The following HDAC4 variants were observed in gnomAD, a reference collection of about 807,000 sequenced individuals.
HDAC4 encodes the protein histone deacetylase A.
Under a neutral mutation model 135.1 loss-of-function variants are expected in HDAC4, and 16 were observed. The ratio of observed to expected loss-of-function variants is 0.12; its 90% CI spans 0.08 to 0.18. HDAC4 has a LOEUF of 0.18. Among genes scored for constraint, HDAC4 ranks in the 10% least tolerant of loss-of-function variants. The pLI, the probability that HDAC4 is intolerant of heterozygous loss-of-function variation, is 1.00. For missense variants in HDAC4, 1,143 were observed against 1,511.8 expected (o/e 0.76, Z 4.05); for synonymous variants, 685 against 653.4 (o/e 1.05, Z -0.74).
rs2052610665 is a variant in HDAC4, at chr2:239,306,785, G to C, written c.22+45893C>G. Reference sequence around the variant, plus strand: ...GGGGCGAAGGCAGGACCCCACCCCAGCCAACAACCGGGAGACCCTGGCCTG... The same window carrying C: ...GGGGCGAAGGCAGGACCCCACCCCACCCAACAACCGGGAGACCCTGGCCTG... On this transcript the variant is annotated intron_variant, in intron 2 of 26. Coordinates refer to ENST00000543185, the MANE Select transcript of HDAC4 (RefSeq NM_001378414.1). This position sits in a 1 kb window ranked among gnomAD's most constrained non-coding sequence, Gnocchi z 4.5. 6.6e-6 allele frequency among the ~76,000 whole-genome samples: 1 copy of C among 152,072 alleles called. No homozygotes were observed. The highest frequency in any genetic ancestry group is 2.4e-5 in the African/African-American group (1 of 41,416).
chr2:239,361,310 A>G (rs1396445780), intron 1 of HDAC4, among the ~76,000 whole-genome samples: 5 of 152,218 alleles, frequency 3.3e-5, no homozygotes, highest in Non-Finnish European at 1.5e-5. Flanking sequence ...GCAAATTGCA[A>G]AAGAAACCGT....
At chr2:239,268,190 G>A (rs2125193548) in intron 2 of HDAC4, among the ~76,000 whole-genome samples, 1 of 152,382 alleles carries the variant, frequency 6.6e-6, no homozygotes, top group South Asian at 2.1e-4. Context: ...GCTGGAGGAA[G>A]TGAACTTGGT....
intron 3 of HDAC4, among the ~76,000 whole-genome samples, chr2:239,206,944 T>C (rs2046081969): frequency 6.6e-6 from 1 of 151,420 alleles, no homozygotes. Context: ...AGAATGTTAT[T>C]GATGAAATGA....
intron 2 of HDAC4, among the ~76,000 whole-genome samples, chr2:239,273,723 T>C (rs2050189065): frequency 6.6e-6 from 1 of 152,102 alleles, no homozygotes. Context: ...ACACAGGCAG[T>C]GAGAGCTCTG....
chr2:239,281,270 C>CACAATGAACACACCACTCT, intron 2 of HDAC4, among the ~76,000 whole-genome samples: 1 of 135,312 alleles, frequency 7.4e-6, no homozygotes. Context: ...CCACTCTACA[C>CACAATGAACACACCACTCT]ACAATGAACA....
chr2:239,121,004 T>C (rs1467372847), intron 12 of HDAC4, among the ~76,000 whole-genome samples: 1 of 149,256 alleles, frequency 6.7e-6, no homozygotes, highest in East Asian at 1.9e-4. Context: ...AAATTTCTTT[T>C]TTTTTTTTTT....
At position 239,352,359 on chromosome 2, in the gene HDAC4, A is replaced by G. The variant is rs574961902; in HGVS notation, c.22+319T>C. Among the ~76,000 whole-genome samples the G allele has an allele frequency of 9.2e-5, 14 of 152,148 alleles. No homozygotes were observed. In the East Asian group the frequency reaches 2.7e-3, roughly 30 times the overall value. On this transcript the variant is annotated intron_variant, in intron 2 of 26. Transcript: ENST00000543185. The surrounding 1 kb of genome is among the most constrained non-coding windows in gnomAD (Gnocchi z 4.4). ...CAACAAAGACACTGGGCAAGAAACC[A>G]GCTCTCCACATCACAACCTGACCTT...
intron 2 of HDAC4, among the ~76,000 whole-genome samples, chr2:239,239,197 G>T (rs1337636259): frequency 6.6e-6 from 1 of 152,176 alleles, no homozygotes; most frequent in Non-Finnish European, 1.5e-5. Flanking sequence ...ACAAGTCCTG[G>T]GCCTCCTGGA....
intron 16 of HDAC4, among the ~76,000 whole-genome samples, chr2:239,099,306 G>A (rs1055119145): frequency 1.3e-5 from 2 of 152,254 alleles, no homozygotes; most frequent in African/African-American, 4.8e-5. Context: ...CATTCTGAAA[G>A]GCGTGGAGGT....
chr2:239,397,816 T>C (rs1180885450), intron 1 of HDAC4, among the ~76,000 whole-genome samples: 3 of 152,138 alleles, frequency 2.0e-5, no homozygotes, highest in Non-Finnish European at 4.4e-5. Context: ...ACTTTTGACA[T>C]GGCACCCCTC....
chr2:239,220,262 A>G (rs1274443938), intron 3 of HDAC4, among the ~76,000 whole-genome samples: 3 of 152,258 alleles, frequency 2.0e-5, no homozygotes, highest in Non-Finnish European at 4.4e-5. Flanking sequence ...TTATAAAGTA[A>G]TGAACACATC....
At chr2:239,222,216 C>A (rs2046996722) in intron 3 of HDAC4, among the ~76,000 whole-genome samples, 2 of 152,182 alleles carry the variant, frequency 1.3e-5, no homozygotes, top group Non-Finnish European at 2.9e-5. Context: ...GCTGGCCGTA[C>A]CAGCCAGGGC....
intron 2 of HDAC4, among the ~76,000 whole-genome samples, chr2:239,242,683 G>C (rs544727121): frequency 1.7e-4 from 26 of 152,228 alleles, no homozygotes; most frequent in African/African-American, 6.3e-4. Flanking sequence ...AAGAGAAATG[G>C]TGATAAAAGA....
Position 239,054,672 on chromosome 2 carries a change from G to A in HDAC4, c.3088+77C>T, listed in dbSNP as rs901810764. The A allele has an allele frequency of 4.4e-5, 41 of 923,844 alleles. No homozygotes were observed. In the Admixed American group the frequency reaches 5.8e-4, roughly 13 times the overall value. The allele number at this position is 923,844 out of a possible 1,614,324, so 57.2% of individuals were successfully genotyped here. ...GGGATGGAGAAGAGCTGGGGGTATA[G>A]GGGGACAGGGATGGGGTGTGGTGCA... On this transcript the variant is annotated intron_variant, in intron 25 of 26. Coordinates refer to ENST00000543185, the MANE Select transcript of HDAC4 (RefSeq NM_001378414.1).
Position 239,089,728 on chromosome 2 carries a change from CT to C in HDAC4, c.2388+280del, listed in dbSNP as rs372528457. 0.17 allele frequency: 49,164 copies of C among 291,164 alleles called. 823 individuals are homozygous for C. Among genetic ancestry groups the C allele is most frequent in the East Asian group, 0.23 (3,571 of 15,792 alleles). The allele number at this position is 291,164 out of a possible 1,614,324, so 18.0% of individuals were successfully genotyped here. ...TCATGTAAACAGAAGCTCTTTGGAG[CT>C]TTTTTTTTTTTTTTAAGAGTATAAA... On this transcript the variant is annotated intron_variant, in intron 18 of 26. Transcript: ENST00000543185.
chr2:239,065,654 C>G (rs1322786749), intron 24 of HDAC4, among the ~76,000 whole-genome samples: 1 of 152,220 alleles, frequency 6.6e-6, no homozygotes, highest in Non-Finnish European at 1.5e-5. Flanking sequence ...GCACAGGAGG[C>G]AGACTCCCAC....
At chr2:239,062,430 G>A (rs1288329419) in intron 24 of HDAC4, among the ~76,000 whole-genome samples, 2 of 152,270 alleles carry the variant, frequency 1.3e-5, no homozygotes, top group African/African-American at 4.8e-5. Flanking sequence ...GCGGGGCCCA[G>A]GCCAACTCTT....
intron 2 of HDAC4, among the ~76,000 whole-genome samples, chr2:239,281,208 AAC>A (rs1432901445): frequency 9.7e-6 from 1 of 103,424 alleles, no homozygotes; most frequent in African/African-American, 3.7e-5. Flanking sequence ...CTCTACAATG[AAC>A]ACACCACTCT....
intron 2 of HDAC4, among the ~76,000 whole-genome samples, chr2:239,336,686 G>A (rs548899288): frequency 1.1e-4 from 16 of 152,358 alleles, no homozygotes; most frequent in Middle Eastern, 3.4e-3. Context: ...ACAGTAGAGA[G>A]AGCTGCCATA....
Sources: gnomAD v4.1 joint callset for allele counts (sites outside exome capture counted in the v4.1 genomes callset) on GRCh38, gnomAD v4.1.1 for gene constraint, Gnocchi (gnomAD v3.1) non-coding constraint, MANE v1.5 for transcripts, NCBI Gene and HGNC (gene_info 2026-07-23, HGNC 2026-07-21) for gene names.